Variants in STAU2 observed in about 807,000 individuals in gnomAD.
The protein encoded by STAU2 is staufen double-stranded RNA binding protein 2.
A neutral mutation model predicts 65.9 loss-of-function variants in STAU2; 20 were observed. That is an observed-to-expected ratio of 0.30 (90% CI 0.21 to 0.44). The LOEUF (loss-of-function observed/expected upper bound fraction) is 0.44, where lower values mean the gene tolerates loss of function less well. Ranked by LOEUF, STAU2 falls within the 20% of genes least tolerant of loss-of-function variation. STAU2 has a pLI of 1.00. For missense variants in STAU2, 558 were observed against 683.9 expected (o/e 0.82, Z 2.05); for synonymous variants, 232 against 233.9 (o/e 0.99, Z 0.07).
rs191699759 is a variant in STAU2 at position 73,630,336 on chromosome 8, T to A, written c.411-12885A>T. ...TATCCAATCCTCTTTATCTTTGCCA[T>A]GTACCCTGAGGTAAAACACAGCAAC... On this transcript the variant is annotated intron_variant, in intron 6 of 14. Coordinates refer to ENST00000524300, the MANE Select transcript of STAU2 (RefSeq NM_001164380.2). 1.2e-3 allele frequency among the ~76,000 whole-genome samples: 190 copies of A among 152,338 alleles called. 2 individuals carry two copies. Among genetic ancestry groups the A allele is most frequent in the African/African-American group, 4.0e-3 (166 of 41,584 alleles).
intron 13 of STAU2, among the ~76,000 whole-genome samples, chr8:73,432,852 TA>T (rs201952544): frequency 6.6e-6 from 1 of 151,956 alleles, no homozygotes; most frequent in Non-Finnish European, 1.5e-5. Context: ...TGGTTACTCA[TA>T]AAAAAAATAG....
intron 6 of STAU2, 115 bp downstream of exon 6, chr8:73,672,992 G>T: frequency 1.0e-6 from 1 of 972,528 alleles, no homozygotes; most frequent in Non-Finnish European, 1.4e-6. Context: ...TAAATTCCAT[G>T]CACAATGCCC....
At chr8:73,658,965 C>G (rs929444668) in intron 6 of STAU2, among the ~76,000 whole-genome samples, 10 of 148,550 alleles carry the variant, frequency 6.7e-5, no homozygotes, top group Middle Eastern at 3.6e-3. Context: ...ACCAACCATA[C>G]TTAAATTGCT....
intron 11 of STAU2, among the ~76,000 whole-genome samples, chr8:73,591,485 C>T (rs1296910236): frequency 6.6e-6 from 1 of 151,808 alleles, no homozygotes; most frequent in Non-Finnish European, 1.5e-5. Flanking sequence ...TAAAAGAAAC[C>T]AATTTAAAGA....
At chr8:73,503,146 G>A (rs1426148858) in intron 13 of STAU2, among the ~76,000 whole-genome samples, 26 of 152,120 alleles carry the variant, frequency 1.7e-4, no homozygotes, top group Admixed American at 1.7e-3. Flanking sequence ...TAAGCAAAAG[G>A]TCTGAATGAC....
In STAU2 at chr8:73,590,159, G is replaced by A. The variant is rs866182383; in HGVS notation, c.1161+5007C>T. ...TGAGAAGAAGGAAGGAAGAGGATAA[G>A]AAGGAGAAGAAGAAAAGGTGGAGGA... On this transcript the variant is annotated intron_variant, in intron 11 of 14. Coordinates refer to ENST00000524300, the MANE Select transcript of STAU2 (RefSeq NM_001164380.2). Among the ~76,000 whole-genome samples the A allele has an allele frequency of 2.9e-4, 42 of 147,092 alleles. 1 individual carries two copies. The highest frequency in any genetic ancestry group is 6.9e-3 in the Middle Eastern group (2 of 290).
chr8:73,690,624 T>C (rs1478555439), intron 4 of STAU2, among the ~76,000 whole-genome samples: 1 of 152,192 alleles, frequency 6.6e-6, no homozygotes, highest in Non-Finnish European at 1.5e-5. Flanking sequence ...TTTCAAATTG[T>C]TCAAGGAAAA....
intron 6 of STAU2, among the ~76,000 whole-genome samples, chr8:73,618,510 G>C (rs771606562): frequency 6.6e-6 from 1 of 152,196 alleles, no homozygotes. Flanking sequence ...TAGGGAGACA[G>C]GAAAAGCTAG....
intron 13 of STAU2, among the ~76,000 whole-genome samples, chr8:73,442,929 G>C (rs1156980150): frequency 1.3e-5 from 2 of 152,052 alleles, no homozygotes; most frequent in African/African-American, 4.8e-5. Flanking sequence ...ATTCTTGATG[G>C]TTCATCGATT....
Position 73,601,568 on chromosome 8 carries a change from A to T in STAU2, c.1029+2158T>A, listed in dbSNP as rs549297358. On this transcript the variant is annotated intron_variant, in intron 10 of 14. Transcript: ENST00000524300. Reference sequence around the variant, plus strand: ...CCACATTCAATTATAACAAATGATAACATTGCCTAAGTAGTTTATACAAAG... The same window carrying T: ...CCACATTCAATTATAACAAATGATATCATTGCCTAAGTAGTTTATACAAAG... Among the ~76,000 whole-genome samples, 2 of 152,336 alleles carry T rather than the reference A, an allele frequency of 1.3e-5. 1 individual carries two copies. Among genetic ancestry groups the T allele is most frequent in the Admixed American group, 1.3e-4 (2 of 15,304 alleles).
chr8:73,670,668 A>G (rs1256737325), intron 6 of STAU2, among the ~76,000 whole-genome samples: 1 of 152,220 alleles, frequency 6.6e-6, no homozygotes, highest in Non-Finnish European at 1.5e-5. Flanking sequence ...TTAAATGGAT[A>G]CAATTAAAGA....
intron 13 of STAU2, among the ~76,000 whole-genome samples, chr8:73,441,717 T>C (rs1417608665): frequency 1.3e-5 from 2 of 152,192 alleles, no homozygotes; most frequent in African/African-American, 2.4e-5. Context: ...AGGGAGCAGA[T>C]TATTTCGCCC....
intron 12 of STAU2, chr8:73,561,350 C>T (rs1808213041): frequency 3.2e-6 from 1 of 314,578 alleles, no homozygotes; most frequent in Admixed American, 4.5e-5. Context: ...AAAGACACAA[C>T]TGTGACTATT....
intron 13 of STAU2, among the ~76,000 whole-genome samples, chr8:73,490,326 C>G (rs1029289299): frequency 6.6e-6 from 1 of 151,990 alleles, no homozygotes; most frequent in African/African-American, 2.4e-5. Flanking sequence ...CTGATTTACA[C>G]AATATTCTCC....
intron 13 of STAU2, among the ~76,000 whole-genome samples, chr8:73,467,884 A>G (rs901308856): frequency 1.3e-5 from 2 of 152,196 alleles, no homozygotes; most frequent in Admixed American, 1.3e-4. Flanking sequence ...ACTGCCCAAG[A>G]TAATTTATAG....
intron 6 of STAU2, chr8:73,652,574 GT>G (rs1815981961): frequency 6.6e-6 from 1 of 151,760 alleles, no homozygotes. Context: ...TTAGCCAGGC[GT>G]GCTGGCGGGC....
At chr8:73,666,873 T>C (rs1817278375) in intron 6 of STAU2, among the ~76,000 whole-genome samples, 1 of 152,218 alleles carries the variant, frequency 6.6e-6, no homozygotes. Flanking sequence ...AAGCTCTAGA[T>C]GTTATACTAC....
At chr8:73,562,297 G>A (rs1463931705) in intron 12 of STAU2, among the ~76,000 whole-genome samples, 2 of 152,152 alleles carry the variant, frequency 1.3e-5, no homozygotes, top group Admixed American at 6.5e-5. Context: ...ACCAGCCTGG[G>A]CTATACAGCA....
chr8:73,454,567 T>C (rs938598026), intron 13 of STAU2, among the ~76,000 whole-genome samples: 4 of 152,168 alleles, frequency 2.6e-5, no homozygotes, highest in Admixed American at 6.5e-5. Flanking sequence ...TAGGACTCAA[T>C]AGAATGGGGT....
Sources: gnomAD v4.1 joint callset for allele counts (sites outside exome capture counted in the v4.1 genomes callset) on GRCh38, gnomAD v4.1.1 for gene constraint, MANE v1.5 for transcripts, NCBI Gene and HGNC (gene_info 2026-07-23, HGNC 2026-07-21) for gene names.